MAGI3: variants seen among roughly 807,000 people sequenced by gnomAD.
MAGI3 encodes the protein membrane-associated guanylate kinase, WW and PDZ domain-containing protein 3.
A neutral mutation model predicts 121.8 loss-of-function variants in MAGI3; 43 were observed. The observed-to-expected ratio is 0.35, with a 90% confidence interval of 0.28 to 0.46. The LOEUF (loss-of-function observed/expected upper bound fraction) is 0.46. MAGI3 is among the 20% of genes least tolerant of loss of function. The pLI, the probability that MAGI3 is intolerant of heterozygous loss-of-function variation, is 1.00. For synonymous variants in MAGI3, 553 were observed against 639.3 expected (o/e 0.86, Z 2.04); for missense variants, 1,547 against 1,797.3 (o/e 0.86, Z 2.52).
chr1:113,554,938 C>T (rs767225256), intron 2 of MAGI3, among the ~76,000 whole-genome samples: 9 of 151,744 alleles, frequency 5.9e-5, no homozygotes, highest in Non-Finnish European at 1.0e-4. Context: ...CCAGCCTAGG[C>T]AACATGGTGA....
At chr1:113,470,170 CT>C (rs11364764) in intron 1 of MAGI3, among the ~76,000 whole-genome samples, 2,169 of 147,606 alleles carry the variant, frequency 0.015, 37 homozygotes, top group African/African-American at 0.05. Flanking sequence ...AGAAAATAGT[CT>C]TTTTTTTTTT....
chr1:113,683,397 G>T lies in MAGI3; in HGVS notation c.3829G>T (p.Asp1277Tyr). The change falls in exon 21 of 21, where the codon GAT (aspartate) becomes TAT (tyrosine). Residue 1277 changes from aspartate to tyrosine, a missense_variant. By Grantham distance (160) the Asp-to-Tyr change is radical. Coordinates refer to ENST00000307546, the MANE Select transcript of MAGI3 (RefSeq NM_001142782.2). ...QVSTRAGSGQ[D>Y]QCRKSRGRSA... is the part of the protein sequence containing the mutation. The stretch of plus-strand genomic sequence containing the variant: ...CAGCACCAGGGCAGGCTCTGGACAA[G>T]ATCAGTGCAGAAAAAGCAGAGGTCG... 3 of 1,613,972 alleles carry T rather than the reference G, an allele frequency of 1.9e-6. No individual in the cohort carries two copies. Among genetic ancestry groups the T allele is most frequent in the Non-Finnish European group, 2.5e-6 (3 of 1,179,888 alleles).
In MAGI3 at chr1:113,434,992, A is replaced by C. The variant is rs908328148; in HGVS notation, c.316+43643A>C. ...TTTTTATCTTTAGTCATCACTTTTG[A>C]TTTTTATAGTTACATATTTAGTTGT... On this transcript the variant is annotated intron_variant, in intron 1 of 20. Transcript: ENST00000307546. Among the ~76,000 whole-genome samples the C allele has an allele frequency of 1.4e-4, 21 of 151,918 alleles. No homozygotes were observed. In the East Asian group the frequency reaches 3.5e-3, roughly 25 times the overall value.
intron 1 of MAGI3, among the ~76,000 whole-genome samples, chr1:113,421,540 T>G (rs1652733079): frequency 6.6e-6 from 1 of 152,186 alleles, no homozygotes; most frequent in Non-Finnish European, 1.5e-5. Context: ...ATGCAAAATT[T>G]CTGTGATTGT....
chr1:113,634,420 A>G (rs996307286), intron 9 of MAGI3, among the ~76,000 whole-genome samples: 10 of 152,200 alleles, frequency 6.6e-5, no homozygotes, highest in African/African-American at 1.7e-4. Context: ...TATAAGGTGT[A>G]AGGAAGGGAT....
intron 5 of MAGI3, 30 bp from the exon 6 acceptor site, chr1:113,594,451 C>A: frequency 6.5e-7 from 1 of 1,536,102 alleles, no homozygotes; most frequent in Non-Finnish European, 8.9e-7. Context: ...CTTTATTTTA[C>A]TGTTTCTAAT....
At chr1:113,534,851 T>G (rs965829692) in intron 1 of MAGI3, among the ~76,000 whole-genome samples, 3 of 152,184 alleles carry the variant, frequency 2.0e-5, no homozygotes, top group African/African-American at 2.4e-5. Flanking sequence ...TCAGACTGTT[T>G]AATTGTTTTT....
At chr1:113,590,164 C>A (rs1225963627) in intron 4 of MAGI3, among the ~76,000 whole-genome samples, 1 of 152,024 alleles carries the variant, frequency 6.6e-6, no homozygotes, top group East Asian at 1.9e-4. Context: ...TAAAATAGAG[C>A]CTGACACATA....
intron 1 of MAGI3, among the ~76,000 whole-genome samples, chr1:113,440,094 A>T (rs1014673308): frequency 6.6e-6 from 1 of 152,116 alleles, no homozygotes; most frequent in Non-Finnish European, 1.5e-5. Context: ...TCCCCCCTTT[A>T]AAAAATGTGG....
At chr1:113,589,602 G>A (rs1350583238) in intron 4 of MAGI3, among the ~76,000 whole-genome samples, 1 of 151,980 alleles carries the variant, frequency 6.6e-6, no homozygotes, top group African/African-American at 2.4e-5. Flanking sequence ...GTAGTAAATA[G>A]TAGGGCATGG....
chr1:113,557,453 T>C (rs771591387), intron 2 of MAGI3, among the ~76,000 whole-genome samples: 1 of 152,226 alleles, frequency 6.6e-6, no homozygotes, highest in African/African-American at 2.4e-5. Context: ...GTGGCCAGAC[T>C]GTTTCTTTAA....
chr1:113,592,120 A>T (rs531806031), intron 5 of MAGI3, among the ~76,000 whole-genome samples: 2 of 152,162 alleles, frequency 1.3e-5, no homozygotes, highest in African/African-American at 4.8e-5. Flanking sequence ...AGCAAAGCAA[A>T]CAATCAACAG....
chr1:113,587,172 G>T (rs1648419271), intron 4 of MAGI3, among the ~76,000 whole-genome samples: 2 of 145,534 alleles, frequency 1.4e-5, no homozygotes, highest in Non-Finnish European at 3.0e-5. Context: ...TGCTTTGTGT[G>T]TTGCTTTTGT....
intron 13 of MAGI3, 135 bp from the exon 14 acceptor site, chr1:113,650,879 C>G: frequency 1.4e-6 from 1 of 739,320 alleles, no homozygotes; most frequent in Non-Finnish European, 2.2e-6. Flanking sequence ...TCAGATAATA[C>G]CTTTCTAAAA....
At chr1:113,549,348 C>A (rs1365189852) in intron 1 of MAGI3, among the ~76,000 whole-genome samples, 167 bp from the exon 2 acceptor site, 1 of 152,090 alleles carries the variant, frequency 6.6e-6, no homozygotes, top group Admixed American at 6.5e-5. Flanking sequence ...AATTATAGTA[C>A]CTATAAATAA....
chr1:113,431,614 ATATT>A (rs917176610), intron 1 of MAGI3, among the ~76,000 whole-genome samples: 4 of 152,180 alleles, frequency 2.6e-5, no homozygotes, highest in African/African-American at 9.7e-5. Context: ...AAAAAAGACA[ATATT>A]TATAATTTCA....
At chr1:113,438,690 A>G (rs544424530) in intron 1 of MAGI3, among the ~76,000 whole-genome samples, 9 of 152,304 alleles carry the variant, frequency 5.9e-5, no homozygotes, top group African/African-American at 1.9e-4. Context: ...CTTTAAGGCA[A>G]CTAGCTCTTA....
intron 1 of MAGI3, among the ~76,000 whole-genome samples, chr1:113,530,602 TAA>T (rs113902871): frequency 4.2e-5 from 6 of 144,016 alleles, no homozygotes; most frequent in Admixed American, 2.1e-4. Context: ...AAATAAAAGT[TAA>T]AAAAAAAAAA....
chr1:113,593,305 C>T (rs1570913520), intron 5 of MAGI3, among the ~76,000 whole-genome samples: 1 of 152,240 alleles, frequency 6.6e-6, no homozygotes, highest in Non-Finnish European at 1.5e-5. Flanking sequence ...CCAATAATAA[C>T]TTTAGGCAAG....
Sources: gnomAD v4.1 joint callset for allele counts (sites outside exome capture counted in the v4.1 genomes callset) on GRCh38, gnomAD v4.1.1 for gene constraint, MANE v1.5 for transcripts, NCBI Gene and HGNC (gene_info 2026-07-23, HGNC 2026-07-21) for gene names.